Variants in RASSF3 observed in about 807,000 individuals in gnomAD.
RASSF3 encodes ras association domain-containing protein 3.
RASSF3 carries 19 observed loss-of-function variants against 19.9 expected under a neutral mutation model. The ratio of observed to expected loss-of-function variants is 0.96; its 90% CI spans 0.67 to 1.40. The LOEUF (loss-of-function observed/expected upper bound fraction) is 1.40, where lower values mean the gene tolerates loss of function less well. Ranked by LOEUF, RASSF3 falls within the 40% of genes most tolerant of loss-of-function variation. The pLI, the probability that RASSF3 is intolerant of heterozygous loss-of-function variation, is 0.00. For missense variants in RASSF3, 306 were observed against 289.8 expected, an observed-to-expected ratio of 1.06 and a Z score of -0.41; for synonymous variants, 110 against 104.2, an observed-to-expected ratio of 1.06 and a Z score of -0.34.
chr12:64,684,017 T>A (rs113237594), intron 1 of RASSF3, among the ~76,000 whole-genome samples: 50 of 62,126 alleles, frequency 8.0e-4, no homozygotes, highest in South Asian at 1.8e-3. Context: ...AGAGTGAGTG[T>A]GTGTGTGTGT....
downstream of RASSF3, among the ~76,000 whole-genome samples, chr12:64,544,682 T>A (rs1223279127): frequency 6.6e-6 from 1 of 152,154 alleles, no homozygotes; most frequent in East Asian, 1.9e-4. Flanking sequence ...CTGAGTGTCT[T>A]GTCAGTTTCT....
chr12:64,620,077 A>T (rs535563537), intron 1 of RASSF3, among the ~76,000 whole-genome samples: 6 of 148,848 alleles, frequency 4.0e-5, no homozygotes, highest in African/African-American at 1.2e-4. Flanking sequence ...AATATTCACA[A>T]TGATGCTAGA....
intron 1 of RASSF3, among the ~76,000 whole-genome samples, chr12:64,612,434 G>C (rs1170134227): frequency 6.7e-6 from 1 of 150,288 alleles, no homozygotes; most frequent in African/African-American, 2.4e-5. Context: ...GCTTTAAAGA[G>C]TAAAGACATC....
At chr12:64,658,292 C>T (rs1384130633) in intron 1 of RASSF3, among the ~76,000 whole-genome samples, 1 of 152,096 alleles carries the variant, frequency 6.6e-6, no homozygotes, top group East Asian at 1.9e-4. Flanking sequence ...TGAAGATCCT[C>T]CTGGTGCCAA....
At chr12:64,548,896 T>A (rs1186775119) in intron 2 of RASSF3, among the ~76,000 whole-genome samples, 1 of 152,216 alleles carries the variant, frequency 6.6e-6, no homozygotes, top group Non-Finnish European at 1.5e-5. Flanking sequence ...TTAGTGAAGT[T>A]AAGACTCAGA....
At chr12:64,606,690 C>G (rs1365017640), upstream of RASSF3, among the ~76,000 whole-genome samples, 1 of 152,108 alleles carries the variant, frequency 6.6e-6, no homozygotes, top group East Asian at 1.9e-4. Flanking sequence ...CGGTGCGTGC[C>G]TGTAATCCTA....
intron 1 of RASSF3, among the ~76,000 whole-genome samples, chr12:64,520,453 G>A (rs1274898056): frequency 1.3e-5 from 2 of 151,302 alleles, no homozygotes; most frequent in East Asian, 1.9e-4. Flanking sequence ...GAGCCACCGC[G>A]CCGGCTAATT....
At chr12:64,575,279 C>T (rs1052805307) in intron 2 of RASSF3, among the ~76,000 whole-genome samples, 10 of 152,220 alleles carry the variant, frequency 6.6e-5, no homozygotes, top group South Asian at 2.1e-4. Flanking sequence ...TCTGGCTGGG[C>T]GTGGTGGCTC....
chr12:64,606,602 G>A (rs1416436097), upstream of RASSF3, among the ~76,000 whole-genome samples: 3 of 152,150 alleles, frequency 2.0e-5, no homozygotes, highest in Non-Finnish European at 2.9e-5. Context: ...ATCACCTGAG[G>A]TCAGGAGTTT....
At chr12:64,643,852 T>A (rs571904340) in intron 1 of RASSF3, among the ~76,000 whole-genome samples, 3 of 152,232 alleles carry the variant, frequency 2.0e-5, no homozygotes, top group Admixed American at 1.3e-4. Flanking sequence ...GAGTTTCATT[T>A]GTTTCCCAGT....
intron 2 of RASSF3, among the ~76,000 whole-genome samples, chr12:64,555,101 G>A (rs143585636): frequency 0.051 from 7,824 of 152,040 alleles, 297 homozygotes; most frequent in South Asian, 0.13. Flanking sequence ...AAAACCAGCT[G>A]GGTGTGGTGG....
At chr12:64,679,181 G>A (rs552899991) in intron 1 of RASSF3, among the ~76,000 whole-genome samples, 36 of 152,304 alleles carry the variant, frequency 2.4e-4, no homozygotes, top group African/African-American at 8.4e-4. Context: ...TCCTGCCTCA[G>A]CCTGCTGAGT....
At chr12:64,629,039 A>G (rs1871083643) in intron 1 of RASSF3, among the ~76,000 whole-genome samples, 2 of 151,136 alleles carry the variant, frequency 1.3e-5, no homozygotes, top group Admixed American at 6.6e-5. Context: ...GGCTCAAGTG[A>G]TCGTTCCAGT....
At chr12:64,566,498 C>A (rs1437662022) in intron 2 of RASSF3, among the ~76,000 whole-genome samples, 1 of 152,076 alleles carries the variant, frequency 6.6e-6, no homozygotes, top group African/African-American at 2.4e-5. Context: ...GACCTGGATG[C>A]CTGAAAAGGT....
chr12:64,592,415 A>G (rs1490349757), intron 2 of RASSF3, among the ~76,000 whole-genome samples: 7 of 152,196 alleles, frequency 4.6e-5, no homozygotes, highest in Non-Finnish European at 1.0e-4. Flanking sequence ...GTTACTATAA[A>G]TAATGGTACA....
intron 1 of RASSF3, among the ~76,000 whole-genome samples, chr12:64,651,272 G>A (rs1871944125): frequency 6.6e-6 from 1 of 152,148 alleles, no homozygotes; most frequent in South Asian, 2.1e-4. Context: ...TATGTGGAGA[G>A]ACAATAAAAA....
chr12:64,694,835 C>A lies in RASSF3; in HGVS notation c.640C>A (p.Gln214Lys), dbSNP rs778281712. The change falls in exon 5 of 5, where the codon CAG becomes AAG. Residue 214 changes from glutamine to lysine, a missense_variant. Gln to Lys is a moderately conservative substitution (Grantham distance 53, BLOSUM62 1). Transcript: ENST00000542104. ...ILDKEEDEQL[Q>K]NLKRRYTAYR... ...GGACAAGGAAGAAGATGAACAGCTG[C>A]AGAACCTGAAGAGGCGCTACACAGC... The A allele has an allele frequency of 1.2e-6, 2 of 1,614,246 alleles. No homozygotes were observed. Among genetic ancestry groups the A allele is most frequent in the African/African-American group, 2.7e-5 (2 of 75,072 alleles).
At chr12:64,664,844 TAG>T (rs747903206) in intron 1 of RASSF3, among the ~76,000 whole-genome samples, 18 of 152,232 alleles carry the variant, frequency 1.2e-4, no homozygotes, top group Non-Finnish European at 2.2e-4. Context: ...CTTTGGCTGC[TAG>T]CCTTGCTTTT....
intron 2 of RASSF3, among the ~76,000 whole-genome samples, chr12:64,590,048 T>G (rs1024367975): frequency 8.3e-5 from 11 of 132,564 alleles, no homozygotes; most frequent in Middle Eastern, 3.8e-3. Context: ...ATGAGCAAAG[T>G]GGCAGAACTC....
Sources: gnomAD v4.1 joint callset for allele counts (sites outside exome capture counted in the v4.1 genomes callset) on GRCh38, gnomAD v4.1.1 for gene constraint, MANE v1.5 for transcripts, NCBI Gene and HGNC (gene_info 2026-07-23, HGNC 2026-07-21) for gene names.